Variants in SGCZ observed in about 807,000 individuals in gnomAD.
SGCZ encodes zeta-sarcoglycan.
SGCZ carries 40 observed loss-of-function variants against 41.3 expected under a neutral mutation model. That is an observed-to-expected ratio of 0.97 (90% CI 0.75 to 1.26). The LOEUF is 1.26. Among genes scored for constraint, SGCZ ranks in the 50% most tolerant of loss-of-function variants. The pLI, the probability that SGCZ is intolerant of heterozygous loss-of-function variation, is 0.00. For synonymous variants in SGCZ, 206 were observed against 137.5 expected (o/e 1.50, Z -3.49); for missense variants, 552 against 369.8 (o/e 1.49, Z -4.04).
In SGCZ at chr8:14,186,326, G is replaced by A. The variant is rs79270409; in HGVS notation, c.425-21624C>T. ...AGCAGAGAGAGACTGTATCATTTTAGCCATGAATCTCTCTATTTCCTTCCC... is the reference window on the plus strand; with the variant it reads ...AGCAGAGAGAGACTGTATCATTTTAACCATGAATCTCTCTATTTCCTTCCC... On this transcript the variant is annotated intron_variant, in intron 4 of 7. Transcript: ENST00000382080. Among the ~76,000 whole-genome samples, 3 of 152,218 alleles carry A rather than the reference G, an allele frequency of 2.0e-5. No homozygotes were observed. In the East Asian group the frequency reaches 5.8e-4, roughly 29 times the overall value.
At chr8:14,192,328 A>G (rs1378842472) in intron 4 of SGCZ, among the ~76,000 whole-genome samples, 1 of 151,946 alleles carries the variant, frequency 6.6e-6, no homozygotes. Context: ...CTGGACAACT[A>G]CCATCAAATA....
intron 1 of SGCZ, among the ~76,000 whole-genome samples, chr8:14,840,989 A>C (rs905477957): frequency 2.0e-5 from 3 of 152,138 alleles, no homozygotes; most frequent in Non-Finnish European, 4.4e-5. Flanking sequence ...AGTCAGTCTT[A>C]CAATTTTCAT....
chr8:14,618,332 T>G (rs1806174452), intron 1 of SGCZ, among the ~76,000 whole-genome samples: 1 of 152,162 alleles, frequency 6.6e-6, no homozygotes, highest in African/African-American at 2.4e-5. Flanking sequence ...TAAAACAGTT[T>G]ACTCAAGGCA....
At chr8:14,264,200 G>A (rs1392267092) in intron 3 of SGCZ, among the ~76,000 whole-genome samples, 7 of 152,218 alleles carry the variant, frequency 4.6e-5, no homozygotes, top group Non-Finnish European at 8.8e-5. Flanking sequence ...AGTAGCCATG[G>A]TGACTGTGGG....
At chr8:14,860,676 GAGA>G in intron 1 of SGCZ, among the ~76,000 whole-genome samples, 1 of 140,394 alleles carries the variant, frequency 7.1e-6, no homozygotes, top group Non-Finnish European at 1.5e-5. Flanking sequence ...AAGAGGGAAA[GAGA>G]GAAAGAAAGA....
At chr8:14,995,329 A>G (rs756944727) in intron 1 of SGCZ, among the ~76,000 whole-genome samples, 73 of 152,238 alleles carry the variant, frequency 4.8e-4, no homozygotes, top group Non-Finnish European at 9.0e-4. Context: ...ATCAAAGATG[A>G]CGGTGGAAAA....
intron 3 of SGCZ, among the ~76,000 whole-genome samples, chr8:14,260,708 C>A (rs946276574): frequency 2.6e-5 from 4 of 152,156 alleles, no homozygotes; most frequent in African/African-American, 9.7e-5. Context: ...AAATGTCCAA[C>A]CATAATAGAC....
chr8:15,148,842 A>C (rs1799103278), intron 1 of SGCZ, among the ~76,000 whole-genome samples: 1 of 152,222 alleles, frequency 6.6e-6, no homozygotes, highest in Admixed American at 6.5e-5. Flanking sequence ...GGAGAGTGAA[A>C]GAATCATATT....
At position 14,691,845 on chromosome 8, in the gene SGCZ, T is replaced by C. The variant is rs1808808782; in HGVS notation, c.40-136919A>G. Among the ~76,000 whole-genome samples the C allele has an allele frequency of 2.0e-5, 3 of 151,686 alleles. 1 individual carries two copies. The highest frequency in any genetic ancestry group is 2.0e-4 in the Admixed American group (3 of 15,224). ...TTAATATAAGAAAACAACACAAAAA[T>C]GTCACCCTAATACATAATTTTATAA... On this transcript the variant is annotated intron_variant, in intron 1 of 7. Transcript: ENST00000382080.
chr8:14,174,431 G>T (rs1461438904), intron 4 of SGCZ, among the ~76,000 whole-genome samples: 2 of 152,036 alleles, frequency 1.3e-5, no homozygotes, highest in African/African-American at 4.8e-5. Context: ...GATCATACAT[G>T]TACTTCTAAT....
At chr8:14,972,677 G>A (rs1801339613) in intron 1 of SGCZ, among the ~76,000 whole-genome samples, 1 of 151,864 alleles carries the variant, frequency 6.6e-6, no homozygotes, top group African/African-American at 2.4e-5. Flanking sequence ...TTATTTTAGA[G>A]GCTGCTCTAA....
chr8:14,271,089 C>G (rs1200188438), intron 3 of SGCZ, among the ~76,000 whole-genome samples: 1 of 151,944 alleles, frequency 6.6e-6, no homozygotes, highest in Non-Finnish European at 1.5e-5. Context: ...GGAGATATAC[C>G]TAATGTTAAA....
intron 1 of SGCZ, among the ~76,000 whole-genome samples, chr8:14,931,707 T>C (rs1799926610): frequency 6.6e-6 from 1 of 152,214 alleles, no homozygotes; most frequent in Admixed American, 6.5e-5. Context: ...AATATAGTAC[T>C]TGACATTCTT....
intron 1 of SGCZ, among the ~76,000 whole-genome samples, chr8:14,754,968 G>A (rs536223686): frequency 3.2e-4 from 48 of 152,196 alleles, no homozygotes; most frequent in East Asian, 1.5e-3. Flanking sequence ...GAGCTCAAGC[G>A]ATCCTCCCAC....
chr8:14,093,627 G>A (rs1585126797), intron 7 of SGCZ, among the ~76,000 whole-genome samples: 2 of 152,158 alleles, frequency 1.3e-5, no homozygotes, highest in South Asian at 4.1e-4. Flanking sequence ...TGGATGGGAG[G>A]TAGCTTTCCA....
At chr8:14,653,039 C>G (rs1042422495) in intron 1 of SGCZ, among the ~76,000 whole-genome samples, 3 of 151,882 alleles carry the variant, frequency 2.0e-5, no homozygotes, top group African/African-American at 7.3e-5. Context: ...TAGTTTATTG[C>G]CAGCAAAAAA....
intron 3 of SGCZ, among the ~76,000 whole-genome samples, chr8:14,264,363 G>T (rs569559113): frequency 6.6e-6 from 1 of 152,272 alleles, no homozygotes; most frequent in South Asian, 2.1e-4. Context: ...GTGGAGCTCT[G>T]CAGTGCCTCA....
chr8:14,526,951 C>A (rs1802968076), intron 2 of SGCZ, among the ~76,000 whole-genome samples: 1 of 152,214 alleles, frequency 6.6e-6, no homozygotes, highest in Non-Finnish European at 1.5e-5. Context: ...CTGGGCACGA[C>A]AACAGACAAC....
intron 1 of SGCZ, among the ~76,000 whole-genome samples, chr8:14,908,415 A>T (rs1240415015): frequency 6.6e-6 from 1 of 152,150 alleles, no homozygotes; most frequent in Non-Finnish European, 1.5e-5. Flanking sequence ...GGTATAATAA[A>T]CAAAGAAATA....
Sources: gnomAD v4.1 joint callset for allele counts (sites outside exome capture counted in the v4.1 genomes callset) on GRCh38, gnomAD v4.1.1 for gene constraint, MANE v1.5 for transcripts, NCBI Gene and HGNC (gene_info 2026-07-23, HGNC 2026-07-21) for gene names.